MNAT1: variants seen among roughly 807,000 people sequenced by gnomAD.
MNAT1 encodes the protein MNAT1 component of CDK activating kinase.
A neutral mutation model predicts 42.0 loss-of-function variants in MNAT1; 43 were observed. The ratio of observed to expected loss-of-function variants is 1.02; its 90% CI spans 0.80 to 1.32. The LOEUF is 1.32. Ranked by LOEUF, MNAT1 falls within the 40% of genes most tolerant of loss-of-function variation. MNAT1 has a pLI of 0.00. For missense variants in MNAT1, 306 were observed against 350.4 expected (o/e 0.87, Z 1.01); for synonymous variants, 118 against 120.0 (o/e 0.98, Z 0.11).
intron 7 of MNAT1, among the ~76,000 whole-genome samples, chr14:60,955,370 T>G (rs2036467024): frequency 6.6e-6 from 1 of 151,872 alleles, no homozygotes; most frequent in Non-Finnish European, 1.5e-5. Flanking sequence ...AAAAAAAAAT[T>G]ATAGATTCAG....
chr14:60,788,484 C>T (rs1188488922), intron 1 of MNAT1, among the ~76,000 whole-genome samples: 2 of 152,104 alleles, frequency 1.3e-5, no homozygotes, highest in African/African-American at 4.8e-5. Context: ...GAAAAGACAC[C>T]CTTGCCTTTG....
intron 7 of MNAT1, among the ~76,000 whole-genome samples, chr14:60,965,093 G>A (rs1298042119): frequency 6.6e-6 from 1 of 152,096 alleles, no homozygotes; most frequent in East Asian, 1.9e-4. Context: ...TAAATAAGCA[G>A]GACTCTCAAC....
At chr14:60,907,717 G>T (rs1188485493) in intron 7 of MNAT1, among the ~76,000 whole-genome samples, 4 of 143,450 alleles carry the variant, frequency 2.8e-5, no homozygotes, top group African/African-American at 1.0e-4. Context: ...AGGAGGCAGA[G>T]GTTGTGGTGA....
In MNAT1 at chr14:60,821,604, C is replaced by T. The variant is rs569246089; in HGVS notation, c.687+2757C>T. ...AAAACTTTACTTATAATTTATGCAT[C>T]GATCAAGTGTGATTTTCATGAACCC... is the stretch of plus-strand genomic sequence containing the variant. On this transcript the variant is annotated intron_variant, in intron 6 of 7. Coordinates refer to ENST00000261245, the MANE Select transcript of MNAT1 (RefSeq NM_002431.4). Among the ~76,000 whole-genome samples, 29 of 152,272 alleles carry T rather than the reference C, an allele frequency of 1.9e-4. No individual in the cohort carries two copies. The South Asian group carries it at 4.8e-3, about 25-fold the overall frequency.
chr14:60,938,956 G>C (rs746928716), intron 7 of MNAT1, among the ~76,000 whole-genome samples: 27 of 152,186 alleles, frequency 1.8e-4, no homozygotes, highest in Admixed American at 6.5e-4. Flanking sequence ...CTGGTTTAGT[G>C]TTGGGAGGGT....
At chr14:60,863,004 A>G (rs559066771) in intron 6 of MNAT1, among the ~76,000 whole-genome samples, 1 of 152,262 alleles carries the variant, frequency 6.6e-6, no homozygotes, top group South Asian at 2.1e-4. Flanking sequence ...TGTAATCTGG[A>G]AAATGTCTCT....
At chr14:60,750,822 A>G (rs544295172) in intron 1 of MNAT1, among the ~76,000 whole-genome samples, 4 of 152,122 alleles carry the variant, frequency 2.6e-5, no homozygotes, top group African/African-American at 9.7e-5. Flanking sequence ...TACCAAATAT[A>G]CAAATGTTGT....
At chr14:60,831,093 T>G (rs927651279) in intron 6 of MNAT1, among the ~76,000 whole-genome samples, 1 of 106,906 alleles carries the variant, frequency 9.4e-6, no homozygotes, top group Non-Finnish European at 1.9e-5. Context: ...ATTGCTGCTT[T>G]CTTTTGTTCC....
chr14:60,893,882 C>G (rs1292004300), intron 7 of MNAT1, among the ~76,000 whole-genome samples: 1 of 152,084 alleles, frequency 6.6e-6, no homozygotes, highest in Non-Finnish European at 1.5e-5. Context: ...TCTTGCTTCT[C>G]CTTTTCCAAC....
Position 60,818,789 on chromosome 14 carries a change from T to A in MNAT1, c.629T>A (p.Met210Lys), listed in dbSNP as rs753777131. ...QHKDRSTQLE[M>K]QLEKPKPVKP... ...AAAGATAGATCTACCCAATTAGAAA[T>A]GCAACTTGAGAAACCCAAACCTGTA... The change falls in exon 6 of 8, where the codon ATG becomes AAG. Residue 210 changes from methionine (M) to lysine (K), a missense_variant. Physicochemically the swap from Met to Lys is moderately conservative, Grantham distance 95. This residue lies in a region of MNAT1 where 116 missense variants were observed against 139.6 expected (regional missense o/e 0.83). Transcript: ENST00000261245. The A allele has an allele frequency of 6.2e-7, 1 of 1,612,972 alleles. No homozygotes were observed.
chr14:60,783,737 C>T (rs886415990), intron 1 of MNAT1, among the ~76,000 whole-genome samples: 1 of 152,206 alleles, frequency 6.6e-6, no homozygotes, highest in African/African-American at 2.4e-5. Context: ...ACCTCGTGAT[C>T]TGCCTTCCTT....
At chr14:60,825,391 T>C (rs1366156295) in intron 6 of MNAT1, among the ~76,000 whole-genome samples, 1 of 152,182 alleles carries the variant, frequency 6.6e-6, no homozygotes, top group Non-Finnish European at 1.5e-5. Flanking sequence ...AAGTTAAGTA[T>C]TTTTATAGTC....
chr14:60,757,515 T>C, intron 1 of MNAT1, among the ~76,000 whole-genome samples: 1 of 152,218 alleles, frequency 6.6e-6, no homozygotes, highest in East Asian at 1.9e-4. Flanking sequence ...AATAGACTGT[T>C]CCTAAGCATT....
intron 7 of MNAT1, among the ~76,000 whole-genome samples, chr14:60,920,755 T>C (rs1290258486): frequency 1.3e-5 from 2 of 152,202 alleles, no homozygotes; most frequent in African/African-American, 4.8e-5. Context: ...TATATTCTCT[T>C]AAGAACTACT....
chr14:60,762,902 A>C (rs2030668751), intron 1 of MNAT1, among the ~76,000 whole-genome samples: 1 of 152,140 alleles, frequency 6.6e-6, no homozygotes, highest in Admixed American at 6.6e-5. Context: ...AGAAAACATA[A>C]TTTCTTGTAG....
intron 6 of MNAT1, among the ~76,000 whole-genome samples, chr14:60,819,180 G>C (rs1420822632): frequency 6.6e-6 from 1 of 151,992 alleles, no homozygotes; most frequent in Non-Finnish European, 1.5e-5. Flanking sequence ...GAAAGCAAAT[G>C]TATCAATTAG....
At chr14:60,889,534 G>A (rs550061445) in intron 7 of MNAT1, among the ~76,000 whole-genome samples, 5 of 152,230 alleles carry the variant, frequency 3.3e-5, no homozygotes, top group East Asian at 1.9e-4. Flanking sequence ...TGAGGACATA[G>A]GCATGGGCAA....
At chr14:60,952,641 T>G (rs959166610) in intron 7 of MNAT1, among the ~76,000 whole-genome samples, 1 of 152,024 alleles carries the variant, frequency 6.6e-6, no homozygotes, top group African/African-American at 2.4e-5. Context: ...AGACAGAGCG[T>G]TAGGTTTGTA....
intron 1 of MNAT1, among the ~76,000 whole-genome samples, chr14:60,781,847 A>G (rs1049482257): frequency 7.9e-5 from 12 of 151,648 alleles, no homozygotes; most frequent in Non-Finnish European, 1.3e-4. Context: ...TCTAGAAAGC[A>G]TTTATTTAGT....
Sources: gnomAD v4.1 joint callset for allele counts (sites outside exome capture counted in the v4.1 genomes callset) on GRCh38, gnomAD v4.1.1 for gene constraint, gnomAD v4.1.1 regional missense constraint, MANE v1.5 for transcripts, NCBI Gene and HGNC (gene_info 2026-07-23, HGNC 2026-07-21) for gene names.